Variants in ITPR2 observed in about 807,000 individuals in gnomAD.
The protein encoded by ITPR2 is inositol 1,4,5-trisphosphate receptor type 2.
A neutral mutation model predicts 317.1 loss-of-function variants in ITPR2; 207 were observed. The observed-to-expected ratio is 0.65, with a 90% confidence interval of 0.58 to 0.73. The LOEUF (loss-of-function observed/expected upper bound fraction) is 0.73, where lower values mean the gene tolerates loss of function less well. Among genes scored for constraint, ITPR2 ranks in the 30% least tolerant of loss-of-function variants. The pLI, the probability that ITPR2 is intolerant of heterozygous loss-of-function variation, is 0.00. For missense variants in ITPR2, 2,613 were observed against 3,284.0 expected (o/e 0.80, Z 4.99); for synonymous variants, 1,156 against 1,149.1 (o/e 1.01, Z -0.12).
At chr12:26,652,407 A>G (rs987889993) in intron 21 of ITPR2, among the ~76,000 whole-genome samples, 2 of 152,218 alleles carry the variant, frequency 1.3e-5, no homozygotes, top group Non-Finnish European at 2.9e-5. Flanking sequence ...GCTTACTGTA[A>G]GTTGCTCATT....
intron 13 of ITPR2, among the ~76,000 whole-genome samples, chr12:26,676,791 G>T (rs1434617528): frequency 6.6e-6 from 1 of 151,482 alleles, no homozygotes; most frequent in African/African-American, 2.4e-5. Context: ...GTAAAAAAAA[G>T]ATGTTTCTTT....
intron 2 of ITPR2, among the ~76,000 whole-genome samples, chr12:26,789,127 A>AT (rs751635664): frequency 7.9e-5 from 12 of 152,210 alleles, no homozygotes; most frequent in Non-Finnish European, 1.8e-4. Flanking sequence ...TGTCTTCCAC[A>AT]TTCTGCGCAA....
At chr12:26,388,457 A>C (rs1189953285) in intron 54 of ITPR2, among the ~76,000 whole-genome samples, 1 of 152,004 alleles carries the variant, frequency 6.6e-6, no homozygotes, top group Non-Finnish European at 1.5e-5. Flanking sequence ...GGGATGTAGA[A>C]GACCCTTTTA....
At chr12:26,539,707 G>A (rs997014263) in intron 37 of ITPR2, among the ~76,000 whole-genome samples, 1 of 152,150 alleles carries the variant, frequency 6.6e-6, no homozygotes, top group African/African-American at 2.4e-5. Flanking sequence ...CAGTCCCCTG[G>A]TCCCAGTGCC....
At chr12:26,577,099 C>A (rs879528358) in intron 34 of ITPR2, among the ~76,000 whole-genome samples, 3 of 152,246 alleles carry the variant, frequency 2.0e-5, no homozygotes, top group Non-Finnish European at 2.9e-5. Context: ...GACTTCCCAG[C>A]CTCCAGAACT....
intron 2 of ITPR2, among the ~76,000 whole-genome samples, chr12:26,729,756 T>G (rs1948996078): frequency 6.6e-6 from 1 of 151,988 alleles, no homozygotes; most frequent in South Asian, 2.1e-4. Context: ...AGCTAAAAGA[T>G]GAGAACACAT....
chr12:26,504,528 A>G (rs568327613), intron 37 of ITPR2, among the ~76,000 whole-genome samples: 1 of 152,362 alleles, frequency 6.6e-6, no homozygotes, highest in Non-Finnish European at 1.5e-5. Flanking sequence ...GTAATCAAAG[A>G]AATGCTAATA....
At chr12:26,675,119 C>T (rs1438037608) in intron 13 of ITPR2, among the ~76,000 whole-genome samples, 1 of 151,992 alleles carries the variant, frequency 6.6e-6, no homozygotes, top group East Asian at 1.9e-4. Flanking sequence ...CTAGTTCAAC[C>T]ATTGTGGAAG....
At chr12:26,471,320 A>G (rs1286131532) in intron 45 of ITPR2, among the ~76,000 whole-genome samples, 2 of 152,228 alleles carry the variant, frequency 1.3e-5, no homozygotes, top group Non-Finnish European at 1.5e-5. Flanking sequence ...AGTACTGAAC[A>G]GTGCTCTGGA....
chr12:26,702,932 C>T (rs1948477245), intron 9 of ITPR2, among the ~76,000 whole-genome samples: 1 of 152,138 alleles, frequency 6.6e-6, no homozygotes, highest in South Asian at 2.1e-4. Flanking sequence ...AAATAGCTTG[C>T]AACATATGTG....
intron 10 of ITPR2, among the ~76,000 whole-genome samples, chr12:26,688,032 A>G (rs1490280372): frequency 6.6e-6 from 1 of 152,114 alleles, no homozygotes; most frequent in East Asian, 1.9e-4. Context: ...GTTAGCAAAT[A>G]ATACTTCTGA....
At chr12:26,697,015 C>T (rs1347549900) in intron 9 of ITPR2, among the ~76,000 whole-genome samples, 4 of 152,084 alleles carry the variant, frequency 2.6e-5, no homozygotes, top group African/African-American at 4.8e-5. Context: ...AAAGGAATGC[C>T]GTATGCTGGA....
chr12:26,431,616 C>T (rs1941210650), intron 48 of ITPR2, among the ~76,000 whole-genome samples: 2 of 152,228 alleles, frequency 1.3e-5, no homozygotes, highest in Admixed American at 1.3e-4. Flanking sequence ...GATTCTCTAT[C>T]TGCAGTAGAG....
chr12:26,639,737 T>C (rs2136858014), intron 21 of ITPR2, among the ~76,000 whole-genome samples: 1 of 151,526 alleles, frequency 6.6e-6, no homozygotes, highest in East Asian at 2.0e-4. Context: ...TTTTTGTCCT[T>C]GTGATAGTTT....
chr12:26,481,729 T>C (rs1271042020), intron 42 of ITPR2, among the ~76,000 whole-genome samples: 1 of 152,226 alleles, frequency 6.6e-6, no homozygotes, highest in Non-Finnish European at 1.5e-5. Flanking sequence ...GCTAAACTGA[T>C]GACAAGAGAT....
intron 34 of ITPR2, among the ~76,000 whole-genome samples, chr12:26,567,980 A>ATATATATTATATAT (rs1565609543): frequency 2.6e-4 from 2 of 7,596 alleles, no homozygotes; most frequent in African/African-American, 5.8e-4. Flanking sequence ...TATATATATT[A>ATATATATTATATAT]TATATATATA....
intron 2 of ITPR2, among the ~76,000 whole-genome samples, chr12:26,789,905 G>A (rs1358407858): frequency 1.3e-5 from 2 of 152,166 alleles, no homozygotes; most frequent in Non-Finnish European, 2.9e-5. Flanking sequence ...GCCTTTCACA[G>A]TTAATTACCA....
chr12:26,457,830 C>T (rs1454146055), intron 45 of ITPR2, among the ~76,000 whole-genome samples: 1 of 152,212 alleles, frequency 6.6e-6, no homozygotes, highest in Non-Finnish European at 1.5e-5. Context: ...TCTCCTTCTG[C>T]AAGTGAGGCT....
rs376608485 is a variant in ITPR2, at chr12:26,353,087, CAGA to C, written c.7858-12762_7858-12760del. Among the ~76,000 whole-genome samples, 960 of 152,302 alleles carry C rather than the reference CAGA, an allele frequency of 6.3e-3. 8 individuals carry two copies. The highest frequency in any genetic ancestry group is 0.022 in the African/African-American group (919 of 41,558). Reference sequence around the variant, plus strand: ...AAATGACTGACCCAAAGTTACACATCAGAAGATCATAGCAGAACCAGGACAATG... The same window carrying C: ...AAATGACTGACCCAAAGTTACACATCAGATCATAGCAGAACCAGGACAATG... On this transcript the variant is annotated intron_variant, in intron 55 of 56. Transcript: ENST00000381340.
Sources: allele counts gnomAD v4.1 joint callset (sites outside exome capture counted in the v4.1 genomes callset), GRCh38; gene constraint gnomAD v4.1.1; transcripts MANE v1.5; gene names NCBI Gene and HGNC (gene_info 2026-07-23, HGNC 2026-07-21).